NARS1: variants seen among roughly 807,000 people sequenced by gnomAD.
NARS1 encodes the protein asparagine--tRNA ligase, cytoplasmic.
Under a neutral mutation model 79.2 loss-of-function variants are expected in NARS1, and 65 were observed. The observed-to-expected ratio is 0.82, with a 90% CI of 0.67 to 1.01. The LOEUF (loss-of-function observed/expected upper bound fraction) is 1.01. Among genes scored for constraint, NARS1 ranks in the 50% least tolerant of loss-of-function variants. The pLI, the probability that NARS1 is intolerant of heterozygous loss-of-function variation, is 0.00. For synonymous variants in NARS1, 229 were observed against 238.8 expected (o/e 0.96, Z 0.38); for missense variants, 649 against 673.8 (o/e 0.96, Z 0.41).
At chr18:57,614,329 C>G (rs2051629575) in intron 4 of NARS1, among the ~76,000 whole-genome samples, 1 of 152,016 alleles carries the variant, frequency 6.6e-6, no homozygotes, top group Non-Finnish European at 1.5e-5. Context: ...GGTGAAACCC[C>G]ATCTCTACTA....
chr18:57,615,427 G>A (rs374684603), intron 4 of NARS1, among the ~76,000 whole-genome samples: 7 of 151,166 alleles, frequency 4.6e-5, no homozygotes, highest in South Asian at 4.2e-4. Context: ...GCGTGAACCC[G>A]GGAGGCGGAG....
chr18:57,613,425 G>A (rs1215614319), intron 5 of NARS1, among the ~76,000 whole-genome samples, 177 bp downstream of exon 5: 1 of 152,058 alleles, frequency 6.6e-6, no homozygotes, highest in African/African-American at 2.4e-5. Flanking sequence ...CCTGAGAGGC[G>A]GAGGTTGCAG....
chr18:57,613,764 T>C (rs1474531020), intron 4 of NARS1, 84 bp from the exon 5 acceptor site: 7 of 1,151,738 alleles, frequency 6.1e-6, no homozygotes, highest in Admixed American at 2.0e-5. Context: ...CAGACGGTAG[T>C]AAGTGTTAAA....
intron 9 of NARS1, 34 bp downstream of exon 9, chr18:57,607,100 T>G (rs541148873): frequency 2.6e-6 from 4 of 1,560,304 alleles, no homozygotes; most frequent in Non-Finnish European, 3.5e-6. Context: ...AGATATTACC[T>G]AGAAAGAAAT....
chr18:57,609,354 C>T lies in NARS1; in HGVS notation c.579+3G>A. 1 of 1,611,344 alleles carries T rather than the reference C, an allele frequency of 6.2e-7. No homozygotes were observed. Among genetic ancestry groups the T allele is most frequent in the African/African-American group, 1.3e-5 (1 of 74,988 alleles). ...CACCCAGTGCGAAACTCAATCCACT[C>T]ACCTGCTTGCCCTTTGGGGTAAGAT... On this transcript the variant is annotated splice_donor_region_variant and intron_variant, in intron 7 of 13. Coordinates refer to ENST00000256854, the MANE Select transcript of NARS1 (RefSeq NM_004539.4).
intron 4 of NARS1, among the ~76,000 whole-genome samples, chr18:57,615,080 A>G (rs1487152282): frequency 1.3e-5 from 2 of 152,090 alleles, no homozygotes; most frequent in African/African-American, 2.4e-5. Context: ...ACTTGGGAGG[A>G]TCGTTAGAGC....
intron 2 of NARS1, 65 bp downstream of exon 2, chr18:57,620,504 A>G: frequency 8.8e-7 from 1 of 1,135,606 alleles, no homozygotes; most frequent in Non-Finnish European, 1.3e-6. Context: ...TTGGCAAGTC[A>G]CAAGAAAATT....
rs1339285401 is a variant in NARS1, at chr18:57,601,444, A to C, written c.*208T>G. 1 of 442,162 alleles carries C rather than the reference A, an allele frequency of 2.3e-6. No individual in the cohort carries two copies. Among genetic ancestry groups the C allele is most frequent in the Middle Eastern group, 6.4e-4 (1 of 1,564 alleles). The allele number at this position is 442,162 out of a possible 1,614,324, so 27.4% of individuals were successfully genotyped here. Reference sequence around the variant, plus strand: ...TCCCCGAACTTTGTTTCCCGAACTTAAGAAAAAAATGGATATTTTTTCTTA... The same window carrying C: ...TCCCCGAACTTTGTTTCCCGAACTTCAGAAAAAAATGGATATTTTTTCTTA... On this transcript the variant is annotated 3_prime_UTR_variant, in exon 14 of 14. Coordinates refer to ENST00000256854, the MANE Select transcript of NARS1 (RefSeq NM_004539.4).
At chr18:57,606,149 G>T (rs1265814863) in intron 10 of NARS1, among the ~76,000 whole-genome samples, 179 bp from the exon 11 acceptor site, 1 of 151,818 alleles carries the variant, frequency 6.6e-6, no homozygotes, top group Non-Finnish European at 1.5e-5. Flanking sequence ...AGGAGTTTGG[G>T]ACCAGCCTGG....
Position 57,607,587 on chromosome 18 carries a change from T to A in NARS1, c.658A>T (p.Ile220Phe), listed in dbSNP as rs953987579. ...ACATCAACGTCAGACTCCTCATTGA[T>A]CAGGTTGTCAGCTCCTCCAGCAGGG... Reference protein sequence around the residue: ...LAPAGGADNLINEESDVDVQL... With the variant: ...LAPAGGADNLFNEESDVDVQL... Residue 220 changes from isoleucine (I) to phenylalanine (F), a missense_variant, in exon 8 of 14, where the codon ATC becomes TTC. Coordinates refer to ENST00000256854, the MANE Select transcript of NARS1 (RefSeq NM_004539.4). 6.2e-7 allele frequency: 1 copy of A among 1,614,114 alleles called. No homozygotes were observed. Among genetic ancestry groups the A allele is most frequent in the Middle Eastern group, 1.6e-4 (1 of 6,062 alleles).
intron 2 of NARS1, among the ~76,000 whole-genome samples, chr18:57,618,721 A>G (rs1457457797): frequency 9.9e-5 from 15 of 151,956 alleles, no homozygotes; most frequent in Non-Finnish European, 1.3e-4. Flanking sequence ...GGGAAACATA[A>G]TGAGATCTCG....
intron 10 of NARS1, among the ~76,000 whole-genome samples, chr18:57,606,260 C>T (rs1156688898): frequency 2.0e-5 from 3 of 150,816 alleles, no homozygotes; most frequent in Non-Finnish European, 2.9e-5. Flanking sequence ...GAGGCAGAAT[C>T]GCTTGAAGCT....
intron 4 of NARS1, among the ~76,000 whole-genome samples, chr18:57,614,477 G>A (rs57403733): frequency 0.056 from 8,453 of 151,858 alleles, 693 homozygotes; most frequent in East Asian, 0.33. Flanking sequence ...CTCCAGCCTG[G>A]GTGACAAGAG....
chr18:57,601,784 C>T lies in NARS1; in HGVS notation c.1516-1G>A, dbSNP rs1439548127. On this transcript the variant is annotated splice_acceptor_variant, in intron 13 of 13. Coordinates refer to ENST00000256854, the MANE Select transcript of NARS1 (RefSeq NM_004539.4). LOFTEE classifies it high-confidence loss of function. ...CATGGGGACATGTACCGTATTTTCT[C>T]TGTTTAAAAAAAGAAAGAAAGAAAG... 1 of 1,612,442 alleles carries T rather than the reference C, an allele frequency of 6.2e-7. No individual in the cohort carries two copies. Among genetic ancestry groups the T allele is most frequent in the Admixed American group, 1.7e-5 (1 of 59,750 alleles).
At chr18:57,617,572 CAAAAAAA>C (rs59412339) in intron 2 of NARS1, among the ~76,000 whole-genome samples, 2 of 66,614 alleles carry the variant, frequency 3.0e-5, no homozygotes, top group Admixed American at 1.9e-4. Context: ...GACTCCGTCT[CAAAAAAA>C]AAAAAAAAAA....
At chr18:57,603,855 A>G (rs57893056) in intron 11 of NARS1, among the ~76,000 whole-genome samples, 3,101 of 107,178 alleles carry the variant, frequency 0.029, 106 homozygotes, top group African/African-American at 0.091. Context: ...GGGGTTCTGC[A>G]TAAGATTTAG....
chr18:57,611,657 A>G lies in NARS1; in HGVS notation c.472T>C (p.Cys158Arg). 6.3e-7 allele frequency: 1 copy of G among 1,596,238 alleles called. No individual in the cohort carries two copies. The highest frequency in any genetic ancestry group is 8.5e-7 in the Non-Finnish European group (1 of 1,172,692). Residue 158 changes from cysteine (C) to arginine (R), a missense_variant, in exon 6 of 14, where the codon TGT becomes CGT. By Grantham distance (180) the Cys-to-Arg change is radical. Transcript: ENST00000256854. ...TTTACCAACTCATCCGCCAAGACAC[A>G]CTGAAGATAACCTGTACCATCTCGC... ...VLRDGTGYLQCVLADELCQCY... is the reference protein window; with the variant it reads ...VLRDGTGYLQRVLADELCQCY...
intron 6 of NARS1, 145 bp downstream of exon 6, chr18:57,611,492 C>T (rs1568164908): frequency 1.9e-6 from 1 of 531,384 alleles, no homozygotes. Context: ...ATAAAAATTG[C>T]ATGTTTATGG....
chr18:57,619,347 A>T (rs1908196390), intron 2 of NARS1, among the ~76,000 whole-genome samples: 1 of 146,904 alleles, frequency 6.8e-6, no homozygotes, highest in African/African-American at 2.5e-5. Flanking sequence ...GAGGGTTAAT[A>T]TCCTGTCTCT....
Sources: gnomAD v4.1 joint callset for allele counts (sites outside exome capture counted in the v4.1 genomes callset) on GRCh38, gnomAD v4.1.1 for gene constraint, MANE v1.5 for transcripts, NCBI Gene and HGNC (gene_info 2026-07-23, HGNC 2026-07-21) for gene names.